Variants in ADGRF1 observed in about 807,000 individuals in gnomAD.
ADGRF1 encodes G protein-coupled receptor 110.
Under a neutral mutation model 87.2 loss-of-function variants are expected in ADGRF1, and 85 were observed. That is an observed-to-expected ratio of 0.97 (90% CI 0.82 to 1.17). ADGRF1 has a LOEUF of 1.17. Ranked by LOEUF, ADGRF1 falls within the 50% of genes most tolerant of loss-of-function variation. The pLI, the probability that ADGRF1 is intolerant of heterozygous loss-of-function variation, is 0.00. For synonymous variants in ADGRF1, 430 were observed against 408.8 expected (o/e 1.05, Z -0.63); for missense variants, 1,169 against 1,077.2 (o/e 1.09, Z -1.19).
intron 3 of ADGRF1, among the ~76,000 whole-genome samples, chr6:47,027,310 C>T (rs534133782): frequency 1.4e-3 from 214 of 152,266 alleles, no homozygotes; most frequent in African/African-American, 3.8e-3. Flanking sequence ...TAGACTGACC[C>T]GGGAACCTAA....
intron 7 of ADGRF1, chr6:47,019,209 A>G (rs1049378290): frequency 2.5e-6 from 2 of 791,110 alleles, no homozygotes; most frequent in Non-Finnish European, 3.1e-6. Flanking sequence ...AGAAGTATAA[A>G]TAGAAAACAA....
intron 1 of ADGRF1, among the ~76,000 whole-genome samples, chr6:47,029,411 A>G (rs1780343573): frequency 6.6e-6 from 1 of 152,098 alleles, no homozygotes. Context: ...TGCATTTAAC[A>G]TCAGTCTTTT....
At chr6:47,016,958 A>G (rs1582160072) in intron 7 of ADGRF1, 190 bp from the exon 8 acceptor site, 1 of 467,928 alleles carries the variant, frequency 2.1e-6, no homozygotes, top group Non-Finnish European at 3.0e-6. Flanking sequence ...TGATATATAT[A>G]TATGTATAAA....
intron 1 of ADGRF1, among the ~76,000 whole-genome samples, chr6:47,030,422 T>C (rs1299264322): frequency 1.3e-5 from 2 of 152,152 alleles, no homozygotes; most frequent in Non-Finnish European, 2.9e-5. Flanking sequence ...TTCTTCAGGG[T>C]CTTGTTTCCC....
intron 11 of ADGRF1, 72 bp downstream of exon 11, chr6:47,008,873 G>A (rs1349756438): frequency 7.1e-7 from 1 of 1,411,616 alleles, no homozygotes; most frequent in African/African-American, 1.4e-5. Context: ...CTCCAGAGTG[G>A]TTTTACCTGC....
At chr6:47,013,394 A>T in intron 9 of ADGRF1, 5 of 985,430 alleles carry the variant, frequency 5.1e-6, no homozygotes, top group Non-Finnish European at 6.0e-6. Flanking sequence ...AGATCCACAA[A>T]GGGAGAAGTA....
chr6:47,013,433 A>T (rs549124882), intron 9 of ADGRF1: 1 of 985,318 alleles, frequency 1.0e-6, no homozygotes, highest in African/African-American at 1.7e-5. Flanking sequence ...GATGAATACT[A>T]TTCTGGGGTT....
At chr6:47,028,310 A>G (rs746342161) in intron 2 of ADGRF1, among the ~76,000 whole-genome samples, 3 of 152,188 alleles carry the variant, frequency 2.0e-5, no homozygotes, top group African/African-American at 2.4e-5. Context: ...TGAATTCTGG[A>G]TATATTTTAA....
At chr6:47,025,646 G>A (rs758207871) in intron 4 of ADGRF1, among the ~76,000 whole-genome samples, 16 of 152,150 alleles carry the variant, frequency 1.1e-4, no homozygotes, top group Non-Finnish European at 2.2e-4. Flanking sequence ...ATGAGATAGG[G>A]TCTGATACAT....
chr6:47,012,988 G>C (rs1779754960), intron 9 of ADGRF1: 1 of 780,172 alleles, frequency 1.3e-6, no homozygotes, highest in African/African-American at 1.9e-5. Context: ...TGGCCAGGCT[G>C]GTCTTGAACT....
chr6:47,019,760 T>C (rs1779989165), intron 7 of ADGRF1: 2 of 982,422 alleles, frequency 2.0e-6, no homozygotes, highest in Non-Finnish European at 2.4e-6. Context: ...TGAAAAAAAA[T>C]CACAAGTCAA....
chr6:47,001,506 T>C lies in ADGRF1; in HGVS notation c.2654A>G (p.Asn885Ser). Residue 885 changes from asparagine to serine, a missense_variant, in exon 14 of 15, where the codon AAC (asparagine) becomes AGC (serine). Physicochemically the swap from Asn to Ser is conservative, Grantham distance 46. Coordinates refer to ENST00000371253, the MANE Select transcript of ADGRF1 (RefSeq NM_153840.4). ...TTGGTTTTATTGTAACTCACCTTTG[T>C]TTTGCAGTGGGTTGAAAGGCTTTGA... The part of the protein sequence containing the change: ...KFSKPFNPLQ[N>S]KGHYAFSHTG... 1 of 1,613,662 alleles carries C rather than the reference T, an allele frequency of 6.2e-7. No homozygotes were observed. The highest frequency in any genetic ancestry group is 8.5e-7 in the Non-Finnish European group (1 of 1,179,674).
intron 13 of ADGRF1, among the ~76,000 whole-genome samples, chr6:47,004,483 T>C (rs1490298): frequency 0.13 from 19,513 of 152,188 alleles, 3,096 homozygotes; most frequent in African/African-American, 0.37. Context: ...AGAGAGAAAC[T>C]GTTAGGCATT....
At chr6:47,034,574 C>A (rs1456129925) in intron 1 of ADGRF1, among the ~76,000 whole-genome samples, 2 of 152,252 alleles carry the variant, frequency 1.3e-5, no homozygotes, top group Non-Finnish European at 2.9e-5. Context: ...CGTATACTGA[C>A]AGCCTCCAAT....
At chr6:47,025,606 T>C (rs1295513646) in intron 4 of ADGRF1, among the ~76,000 whole-genome samples, 1 of 152,154 alleles carries the variant, frequency 6.6e-6, no homozygotes, top group Non-Finnish European at 1.5e-5. Context: ...CTCCAGTGTT[T>C]CATCTATTTT....
intron 12 of ADGRF1, 80 bp downstream of exon 12, chr6:47,007,173 T>G: frequency 2.5e-6 from 2 of 786,814 alleles, no homozygotes; most frequent in Non-Finnish European, 2.1e-6. Flanking sequence ...TCTTATTATA[T>G]GAATAAAGGC....
Position 47,009,101 on chromosome 6 carries a change from C to A in ADGRF1, c.2334G>T (p.Leu778=), listed in dbSNP as rs1489303130. The A allele has an allele frequency of 6.2e-7, 1 of 1,614,092 alleles. No homozygotes were observed. Among genetic ancestry groups the A allele is most frequent in the Non-Finnish European group, 8.5e-7 (1 of 1,179,998 alleles). Residue 778 remains leucine, a synonymous_variant, in exon 11 of 15, where the codon CTG becomes CTT. Transcript: ENST00000371253. The part of the protein sequence containing the change: ...KLWRPTVGER[L]SRDDKATIIR... ...TGATGGTGGCCTTGTCATCCCGACT[C>A]AGTCTTTCCCCAACAGTCGGCCTCC...
intron 12 of ADGRF1, among the ~76,000 whole-genome samples, chr6:47,006,538 T>G (rs1370203718): frequency 6.6e-6 from 1 of 152,202 alleles, no homozygotes; most frequent in Non-Finnish European, 1.5e-5. Context: ...AATATTTTTA[T>G]TTCCATAGGT....
Position 47,006,217 on chromosome 6 carries a change from G to T in ADGRF1, c.2533-341C>A, listed in dbSNP as rs978050827. Reference sequence around the variant, plus strand: ...AGGCAATTACTTTTAGTACAATTAAGAACAGCAAATTGCTTCTTTGTAGAT... The same window carrying T: ...AGGCAATTACTTTTAGTACAATTAATAACAGCAAATTGCTTCTTTGTAGAT... On this transcript the variant is annotated intron_variant, in intron 12 of 14. Coordinates refer to ENST00000371253, the MANE Select transcript of ADGRF1 (RefSeq NM_153840.4). Among the ~76,000 whole-genome samples, 9 of 152,060 alleles carry T rather than the reference G, an allele frequency of 5.9e-5. No individual in the cohort carries two copies. The East Asian group carries it at 1.7e-3, about 29-fold the overall frequency.
Sources: gnomAD v4.1 joint callset for allele counts (sites outside exome capture counted in the v4.1 genomes callset) on GRCh38, gnomAD v4.1.1 for gene constraint, MANE v1.5 for transcripts, NCBI Gene and HGNC (gene_info 2026-07-23, HGNC 2026-07-21) for gene names.